GSAP: variants seen among roughly 807,000 people sequenced by gnomAD.
The protein encoded by GSAP is gamma-secretase-activating protein.
In GSAP, 118 loss-of-function variants were observed where a neutral mutation model predicts 131.7. The observed-to-expected ratio is 0.90, with a 90% CI of 0.77 to 1.04. GSAP has a LOEUF of 1.04. Among genes scored for constraint, GSAP ranks in the 50% least tolerant of loss-of-function variants. GSAP has a pLI of 0.00. For missense variants in GSAP, 1,019 were observed against 1,013.2 expected (o/e 1.01, Z -0.08); for synonymous variants, 381 against 363.4 (o/e 1.05, Z -0.55).
Position 77,311,132 on chromosome 7 carries a change from G to GC in GSAP, c.*225dup. The GC allele has an allele frequency of 4.3e-6, 2 of 469,080 alleles. No homozygotes were observed. Among genetic ancestry groups the GC allele is most frequent in the Non-Finnish European group, 3.8e-6 (1 of 261,176 alleles). The allele number at this position is 469,080 out of a possible 1,614,324, so 29.1% of individuals were successfully genotyped here. ...TTTATGCCACTGTATGCCTTCTTAG[G>GC]CCATTTATCATTTCTCTACACTTGA... is the stretch of plus-strand genomic sequence containing the variant. On this transcript the variant is annotated 3_prime_UTR_variant, in exon 31 of 31. Coordinates refer to ENST00000257626, the MANE Select transcript of GSAP (RefSeq NM_017439.4).
chr7:77,391,592 G>T (rs1278555057), intron 5 of GSAP, among the ~76,000 whole-genome samples: 1 of 152,148 alleles, frequency 6.6e-6, no homozygotes, highest in Non-Finnish European at 1.5e-5. Context: ...TGGAGGCCAA[G>T]GCAGGAAGAT....
intron 5 of GSAP, among the ~76,000 whole-genome samples, chr7:77,393,624 T>C (rs1799912439): frequency 6.6e-6 from 1 of 151,550 alleles, no homozygotes; most frequent in East Asian, 1.9e-4. Context: ...TTTCTTATGT[T>C]CCCATGAAAT....
intron 3 of GSAP, among the ~76,000 whole-genome samples, chr7:77,400,783 T>C (rs1441214993): frequency 6.6e-6 from 1 of 152,100 alleles, no homozygotes; most frequent in African/African-American, 2.4e-5. Flanking sequence ...AACAAAGATA[T>C]TGGAATTTTC....
At chr7:77,391,232 G>T (rs982293594) in intron 5 of GSAP, among the ~76,000 whole-genome samples, 2 of 149,880 alleles carry the variant, frequency 1.3e-5, no homozygotes, top group Admixed American at 6.7e-5. Flanking sequence ...CTATCAGCAA[G>T]ATTTTCTTAC....
At chr7:77,351,148 C>T in intron 18 of GSAP, 1 of 979,944 alleles carries the variant, frequency 1.0e-6, no homozygotes, top group Non-Finnish European at 1.2e-6. Flanking sequence ...ATGCAAACAA[C>T]TAAGTTCTTC....
chr7:77,376,926 T>G lies in GSAP; in HGVS notation c.682-19A>C, dbSNP rs764839368. 1.5e-6 allele frequency: 2 copies of G among 1,317,320 alleles called. No individual in the cohort carries two copies. The highest frequency in any genetic ancestry group is 2.6e-5 in the South Asian group (2 of 75,998). 81.6% of individuals were successfully genotyped at this position (1,317,320 alleles called of 1,614,324 possible). On this transcript the variant is annotated intron_variant, in intron 9 of 30. Transcript: ENST00000257626. The stretch of plus-strand genomic sequence containing the variant: ...TTGATTTCTAAAAGAGAAAACAGAA[T>G]GGCATATTAAAAAACCAGGAAAAAA...
At chr7:77,413,454 T>C (rs1244873320) in intron 1 of GSAP, among the ~76,000 whole-genome samples, 2 of 152,222 alleles carry the variant, frequency 1.3e-5, no homozygotes, top group African/African-American at 2.4e-5. Context: ...AGCTGTTCTT[T>C]GAAAGGAAAA....
At chr7:77,369,285 C>T (rs1012359647) in intron 12 of GSAP, among the ~76,000 whole-genome samples, 6 of 152,154 alleles carry the variant, frequency 3.9e-5, no homozygotes, top group Non-Finnish European at 5.9e-5. Context: ...GCTTTCAATG[C>T]TTAGAAAGTC....
At position 77,329,367 on chromosome 7, in the gene GSAP, C is replaced by T; in HGVS notation, c.1699G>A (p.Ala567Thr). Residue 567 changes from alanine (A) to threonine (T), a missense_variant, in exon 21 of 31, where the codon GCA (alanine) becomes ACA (threonine). Physicochemically the swap from Ala to Thr is moderately conservative, Grantham distance 58. Transcript: ENST00000257626. ...TTATCAAGAATATTCCTCACGTATG[C>T]CGCAGACCTTCTTTTTCCTGTTTTC... Reference protein sequence around the residue: ...EEKTGKRRSAAYVRNILDNAV... With the variant: ...EEKTGKRRSATYVRNILDNAV... 1.9e-6 allele frequency: 3 copies of T among 1,585,312 alleles called. No individual in the cohort carries two copies. The highest frequency in any genetic ancestry group is 1.7e-6 in the Non-Finnish European group (2 of 1,163,602).
At position 77,385,105 on chromosome 7, in the gene GSAP, C is replaced by T. The variant is rs375518999; in HGVS notation, c.456+2255G>A. The stretch of plus-strand genomic sequence containing the variant: ...CTGGAGTGCAATGGCACGATCTTGG[C>T]TCACTGCAACCTCTGCCTCCCAGGT... On this transcript the variant is annotated intron_variant, in intron 6 of 30. Transcript: ENST00000257626. Among the ~76,000 whole-genome samples the T allele has an allele frequency of 1.1e-4, 16 of 150,650 alleles. No individual in the cohort carries two copies. In the East Asian group the frequency reaches 1.6e-3, roughly 15 times the overall value.
At chr7:77,347,377 C>A (rs960745056) in intron 19 of GSAP, among the ~76,000 whole-genome samples, 2 of 152,070 alleles carry the variant, frequency 1.3e-5, no homozygotes, top group Non-Finnish European at 2.9e-5. Flanking sequence ...TGTCCCCCAA[C>A]CTGTGGGATC....
chr7:77,311,209 C>T lies in GSAP; in HGVS notation c.*149G>A, dbSNP rs1255008903. The T allele has an allele frequency of 2.3e-5, 14 of 612,608 alleles. No individual in the cohort carries two copies. Among genetic ancestry groups the T allele is most frequent in the African/African-American group, 3.7e-5 (2 of 54,288 alleles). The allele number at this position is 612,608 out of a possible 1,614,324, so 37.9% of individuals were successfully genotyped here. A position where few individuals can be genotyped will look rare whatever the true frequency, so the allele number is the denominator to read the frequency against. On this transcript the variant is annotated 3_prime_UTR_variant, in exon 31 of 31. Transcript: ENST00000257626. ...ATGTGATACAGCAGTTCTGTCTGAA[C>T]GTGTACCAACCTGAAACTCACATGG... is the stretch of plus-strand genomic sequence containing the variant.
intron 4 of GSAP, 84 bp downstream of exon 4, chr7:77,397,257 ATAATT>A (rs1800567814): frequency 4.7e-6 from 4 of 856,418 alleles, no homozygotes; most frequent in East Asian, 2.5e-5. Context: ...TTGTTATAGA[ATAATT>A]TAATACTGCA....
intron 5 of GSAP, among the ~76,000 whole-genome samples, chr7:77,388,478 C>T (rs1263780530): frequency 6.6e-6 from 1 of 152,116 alleles, no homozygotes; most frequent in Non-Finnish European, 1.5e-5. Context: ...CCATAAAATA[C>T]AGCAATCAGG....
chr7:77,374,821 G>T (rs550086958), intron 11 of GSAP, among the ~76,000 whole-genome samples: 94 of 152,124 alleles, frequency 6.2e-4, no homozygotes, highest in Non-Finnish European at 1.0e-3. Flanking sequence ...AAAATAAATG[G>T]AGATGCACTA....
intron 12 of GSAP, among the ~76,000 whole-genome samples, chr7:77,372,281 T>C (rs1186900898): frequency 6.6e-6 from 1 of 152,216 alleles, no homozygotes; most frequent in Non-Finnish European, 1.5e-5. Context: ...GACATGAGAA[T>C]TGTTGCACAT....
chr7:77,374,651 A>G (rs1430747746), intron 11 of GSAP, among the ~76,000 whole-genome samples: 1 of 152,132 alleles, frequency 6.6e-6, no homozygotes, highest in African/African-American at 2.4e-5. Context: ...AAACAGAAAA[A>G]AAAAAAAACC....
intron 13 of GSAP, among the ~76,000 whole-genome samples, chr7:77,361,792 C>G (rs1415024553): frequency 6.6e-6 from 1 of 152,106 alleles, no homozygotes; most frequent in Non-Finnish European, 1.5e-5. Flanking sequence ...ACTACAGAAC[C>G]AGGAGAAATT....
At chr7:77,344,981 GT>G (rs1791578178) in intron 19 of GSAP, among the ~76,000 whole-genome samples, 1 of 152,152 alleles carries the variant, frequency 6.6e-6, no homozygotes, top group Non-Finnish European at 1.5e-5. Context: ...TAAATGAAAA[GT>G]GTTGTTTTTA....
Sources: gnomAD v4.1 joint callset for allele counts (sites outside exome capture counted in the v4.1 genomes callset) on GRCh38, gnomAD v4.1.1 for gene constraint, MANE v1.5 for transcripts, NCBI Gene and HGNC (gene_info 2026-07-23, HGNC 2026-07-21) for gene names.